Variants in BLMH observed in about 807,000 individuals in gnomAD.
The protein encoded by BLMH is bleomycin hydrolase, also known as BLM hydrolase.
BLMH carries 32 observed loss-of-function variants against 61.6 expected under a neutral mutation model. That is an observed-to-expected ratio of 0.52 (90% confidence interval 0.39 to 0.70). BLMH has a LOEUF of 0.70. Among genes scored for constraint, BLMH ranks in the 30% least tolerant of loss-of-function variants. The pLI is 0.00. For missense variants in BLMH, 460 were observed against 555.5 expected (o/e 0.83, Z 1.73); for synonymous variants, 183 against 193.8 (o/e 0.94, Z 0.46).
rs1262081410 is a variant in BLMH at position 30,272,850 on chromosome 17, T to C, written c.851A>G (p.Tyr284Cys). Residue 284 changes from tyrosine to cysteine, a missense_variant, in exon 8 of 12, where the codon TAC (tyrosine) becomes TGC (cysteine). Coordinates refer to ENST00000261714, the MANE Select transcript of BLMH (RefSeq NM_000386.4). ...PRPQHKYNKL[Y>C]TVEYLSNMVG... Reference sequence around the variant, plus strand: ...CATATTGCTTAAGTATTCCACTGTGTAAAGTTTGTTGTACTTGTGCTGGGG... The same window carrying C: ...CATATTGCTTAAGTATTCCACTGTGCAAAGTTTGTTGTACTTGTGCTGGGG... 1 of 1,614,042 alleles carries C rather than the reference T, an allele frequency of 6.2e-7. No homozygotes were observed. Among genetic ancestry groups the C allele is most frequent in the Non-Finnish European group, 8.5e-7 (1 of 1,180,016 alleles).
chr17:30,267,355 T>G (rs1908139768), intron 10 of BLMH, among the ~76,000 whole-genome samples: 2 of 152,338 alleles, frequency 1.3e-5, no homozygotes, highest in Admixed American at 6.5e-5. Flanking sequence ...CAATATTGAT[T>G]AAAGCAAATG....
rs973434181 is a variant in BLMH at position 30,275,590 on chromosome 17, G to A, written c.646-1393C>T. 3.3e-5 allele frequency among the ~76,000 whole-genome samples: 5 copies of A among 152,112 alleles called. No individual in the cohort carries two copies. The East Asian group carries it at 7.7e-4, about 24-fold the overall frequency. ...AATCCCAGCTACTCGGGAGGCTGAG[G>A]CAGGAGAATCCCTTGAACCCAGGAG... On this transcript the variant is annotated intron_variant, in intron 6 of 11. Coordinates refer to ENST00000261714, the MANE Select transcript of BLMH (RefSeq NM_000386.4).
chr17:30,269,048 C>T (rs1351556437), intron 10 of BLMH, among the ~76,000 whole-genome samples: 1 of 149,634 alleles, frequency 6.7e-6, no homozygotes, highest in Admixed American at 6.7e-5. Context: ...TCAAAAAAAA[C>T]AAAAAAACAA....
rs868352189 is a variant in BLMH at position 30,274,154 on chromosome 17, G to A, written c.689C>T (p.Thr230Ile). ...TTTGTCTCGATATTCCCAGGTGAAT[G>A]TCTCTGGTGGATTACCCAAACAGAT... ...VCICLGNPPE[T>I]FTWEYRDKDK... Residue 230 changes from threonine (T) to isoleucine (I), a missense_variant, in exon 7 of 12, where the codon ACA becomes ATA. Around this residue, in one of 5 missense-constraint regions of BLMH, gnomAD observed 310 missense variants for 371.1 expected, o/e 0.84. Coordinates refer to ENST00000261714, the MANE Select transcript of BLMH (RefSeq NM_000386.4). The A allele has an allele frequency of 1.5e-5, 24 of 1,614,012 alleles. 1 individual carries two copies. In the Middle Eastern group the frequency reaches 2.8e-3, roughly 188 times the overall value.
chr17:30,253,920 A>C (rs1322954771), intron 11 of BLMH, among the ~76,000 whole-genome samples: 1 of 152,232 alleles, frequency 6.6e-6, no homozygotes, highest in Non-Finnish European at 1.5e-5. Context: ...TGTAACAGAA[A>C]GGGTAGGGTC....
At chr17:30,274,553 A>C (rs572561098) in intron 6 of BLMH, among the ~76,000 whole-genome samples, 6 of 152,206 alleles carry the variant, frequency 3.9e-5, no homozygotes, top group Middle Eastern at 3.2e-3. Context: ...GTAACCAAAA[A>C]ATGACAAATT....
rs1908354876 is a variant in BLMH at position 30,274,152 on chromosome 17, A to C, written c.691T>G (p.Phe231Val). The C allele has an allele frequency of 6.2e-7, 1 of 1,614,056 alleles. No individual in the cohort carries two copies. The highest frequency in any genetic ancestry group is 1.1e-5 in the South Asian group (1 of 91,080). Residue 231 changes from phenylalanine (F) to valine (V), a missense_variant, in exon 7 of 12, where the codon TTC becomes GTC. This residue lies in a region of BLMH where 310 missense variants were observed against 371.1 expected (regional missense o/e 0.84). Coordinates refer to ENST00000261714, the MANE Select transcript of BLMH (RefSeq NM_000386.4). Reference sequence around the variant, plus strand: ...TCTTTGTCTCGATATTCCCAGGTGAATGTCTCTGGTGGATTACCCAAACAG... The same window carrying C: ...TCTTTGTCTCGATATTCCCAGGTGACTGTCTCTGGTGGATTACCCAAACAG... Reference protein sequence around the residue: ...CICLGNPPETFTWEYRDKDKN... With the variant: ...CICLGNPPETVTWEYRDKDKN...
intron 10 of BLMH, among the ~76,000 whole-genome samples, chr17:30,269,982 G>A (rs979612316): frequency 3.3e-5 from 5 of 152,128 alleles, no homozygotes; most frequent in African/African-American, 1.2e-4. Context: ...AGATGCTGTG[G>A]GGTTGAAAGG....
intron 6 of BLMH, among the ~76,000 whole-genome samples, chr17:30,285,073 T>C (rs1171220831): frequency 1.3e-5 from 2 of 152,198 alleles, no homozygotes; most frequent in African/African-American, 4.8e-5. Context: ...GACTGAGCTC[T>C]TTAAGAGCAG....
Position 30,287,834 on chromosome 17 carries a change from GC to G in BLMH, c.434del (p.Gly145AlafsTer33). The G allele has an allele frequency of 6.2e-7, 1 of 1,614,078 alleles. No individual in the cohort carries two copies. The highest frequency in any genetic ancestry group is 2.2e-5 in the East Asian group (1 of 44,884). ...CAATATTAACAAGCATATCCCATTG[GC>G]CACCATCATTTGCAGGGTTCATAAG... is the stretch of plus-strand genomic sequence containing the variant. ...FLLMNPANDG[G>X]QWDMLVNIVE... On this transcript the variant is annotated frameshift_variant, in exon 4 of 12. Transcript: ENST00000261714. LOFTEE classifies it high-confidence loss of function.
intron 11 of BLMH, among the ~76,000 whole-genome samples, chr17:30,266,123 G>T (rs1908098472): frequency 6.6e-6 from 1 of 151,974 alleles, no homozygotes; most frequent in African/African-American, 2.4e-5. Flanking sequence ...TCCACTTTAG[G>T]TATGACAACT....
At chr17:30,271,054 T>C (rs578010502) in intron 10 of BLMH, among the ~76,000 whole-genome samples, 25 of 152,364 alleles carry the variant, frequency 1.6e-4, no homozygotes, top group Admixed American at 3.3e-4. Context: ...GGTCGCTCCC[T>C]GCTGACCCAA....
Position 30,286,886 on chromosome 17 carries a change from G to A in BLMH, c.480C>T (p.Ile160=). ...AAGATTCAGGGAAGCATTTCTTAGGGATAACACCATATTTTTCTAAAAGAA... is the reference window on the plus strand; with the variant it reads ...AAGATTCAGGGAAGCATTTCTTAGGAATAACACCATATTTTTCTAAAAGAA... ...LVNIVEKYGV[I]PKKCFPESYT... The change falls in exon 5 of 12, where the codon ATC becomes ATT. Residue 160 remains isoleucine (I), a synonymous_variant. Coordinates refer to ENST00000261714, the MANE Select transcript of BLMH (RefSeq NM_000386.4). 6.3e-7 allele frequency: 1 copy of A among 1,587,468 alleles called. No homozygotes were observed. Among genetic ancestry groups the A allele is most frequent in the Non-Finnish European group, 8.6e-7 (1 of 1,157,058 alleles).
intron 2 of BLMH, among the ~76,000 whole-genome samples, chr17:30,290,426 A>G (rs978724272): frequency 1.3e-5 from 2 of 152,230 alleles, no homozygotes; most frequent in African/African-American, 4.8e-5. Flanking sequence ...TTTCTTCTAA[A>G]GCAAAACATT....
At chr17:30,256,254 T>C (rs1385067888) in intron 11 of BLMH, among the ~76,000 whole-genome samples, 1 of 152,178 alleles carries the variant, frequency 6.6e-6, no homozygotes, top group East Asian at 1.9e-4. Context: ...CTCTATATTT[T>C]ATATTGGTTG....
rs1212395409 is a variant in BLMH, at chr17:30,249,220, C to G, written c.1217-52G>C. On this transcript the variant is annotated intron_variant, in intron 11 of 11. Transcript: ENST00000261714. ...AGTCCAGAGGGCAAGGGACAAAGAG[C>G]AGAAACCCTTTTTGTAGGATAAACC... 1.9e-6 allele frequency: 3 copies of G among 1,579,438 alleles called. No homozygotes were observed. The South Asian group carries it at 3.4e-5, about 18-fold the overall frequency.
At chr17:30,282,652 C>T (rs1361893808) in intron 6 of BLMH, among the ~76,000 whole-genome samples, 7 of 152,256 alleles carry the variant, frequency 4.6e-5, no homozygotes, top group African/African-American at 1.4e-4. Context: ...GCCTGCGTCT[C>T]ACTTCTCAGT....
chr17:30,264,504 AT>A (rs1272176749), intron 11 of BLMH, among the ~76,000 whole-genome samples: 1 of 152,226 alleles, frequency 6.6e-6, no homozygotes, highest in Non-Finnish European at 1.5e-5. Context: ...ATCTTTAAGT[AT>A]TTAGGTTCAA....
intron 6 of BLMH, among the ~76,000 whole-genome samples, chr17:30,278,669 T>G (rs1431298122): frequency 6.6e-6 from 1 of 152,180 alleles, no homozygotes. Context: ...CACGTGACTT[T>G]TTTTGTGGGG....
Sources: gnomAD v4.1 joint callset for allele counts (sites outside exome capture counted in the v4.1 genomes callset) on GRCh38, gnomAD v4.1.1 for gene constraint, gnomAD v4.1.1 regional missense constraint, MANE v1.5 for transcripts, NCBI Gene and HGNC (gene_info 2026-07-23, HGNC 2026-07-21) for gene names.